Variants in DOCK11 observed in about 807,000 individuals in gnomAD.
DOCK11 encodes the protein dedicator of cytokinesis 11, also known as dedicator of cytokinesis protein 11.
In DOCK11, 70 loss-of-function variants were observed where a neutral mutation model predicts 169.1. The observed-to-expected ratio is 0.41, with a 90% CI of 0.34 to 0.51. The LOEUF (loss-of-function observed/expected upper bound fraction) is 0.51, where lower values mean the gene tolerates loss of function less well. Ranked by LOEUF, DOCK11 falls within the 20% of genes least tolerant of loss-of-function variation. The pLI is 0.10. For missense variants in DOCK11, 1,166 were observed against 1,538.8 expected, an observed-to-expected ratio of 0.76 and a Z score of 4.05; for synonymous variants, 529 against 541.3, an observed-to-expected ratio of 0.98 and a Z score of 0.32.
chrX:118,508,674 G>A (rs561956955), intron 1 of DOCK11, among the ~76,000 whole-genome samples: 2 of 111,708 alleles, frequency 1.8e-5, no homozygotes, highest in South Asian at 7.7e-4. Context: ...GAGTGTTTAC[G>A]ACATGCTCTA....
intron 1 of DOCK11, among the ~76,000 whole-genome samples, chrX:118,516,242 A>G (rs1171603541): frequency 2.0e-5 from 2 of 101,609 alleles, no homozygotes; most frequent in South Asian, 4.7e-4. Flanking sequence ...ACAGGCGCCC[A>G]CCACCATGCC....
At chrX:118,521,843 T>G (rs762226294) in intron 1 of DOCK11, among the ~76,000 whole-genome samples, 90 of 111,915 alleles carry the variant, frequency 8.0e-4, no homozygotes, top group Non-Finnish European at 1.5e-3. Context: ...ATGTAACATA[T>G]CAATAAGTGT....
At chrX:118,533,521 G>A (rs1387447054) in intron 1 of DOCK11, among the ~76,000 whole-genome samples, 1 of 111,817 alleles carries the variant, frequency 8.9e-6, no homozygotes, top group Non-Finnish European at 1.9e-5. Context: ...TAATGAGATG[G>A]GTAGACCGAT....
At chrX:118,673,357 G>A (rs1005529283) in intron 46 of DOCK11, among the ~76,000 whole-genome samples, 2 of 111,253 alleles carry the variant, frequency 1.8e-5, no homozygotes, top group Non-Finnish European at 3.8e-5. Context: ...CTGTGATTCC[G>A]GCCACTTGGG....
chrX:118,602,094 CTTTTTT>C (rs536697143), intron 23 of DOCK11, among the ~76,000 whole-genome samples: 1 of 74,681 alleles, frequency 1.3e-5, no homozygotes, highest in Non-Finnish European at 2.5e-5. Flanking sequence ...CCGGCCAAGA[CTTTTTT>C]TTTTTTTTTT....
rs1256155868 is a variant in DOCK11, at chrX:118,502,640, T to A, written c.102+6567T>A. 2.7e-5 allele frequency among the ~76,000 whole-genome samples: 3 copies of A among 111,875 alleles called. No homozygotes were observed. In the East Asian group the frequency reaches 8.3e-4, roughly 31 times the overall value. On this transcript the variant is annotated intron_variant, in intron 1 of 52. Coordinates refer to ENST00000276202, the MANE Select transcript of DOCK11 (RefSeq NM_144658.4). The stretch of plus-strand genomic sequence containing the variant: ...GTAACCTGGTCTCATTTTCCTTATC[T>A]GTGAAATGGGAATAAATAGTAGTAC...
chrX:118,523,553 C>T (rs1441226712), intron 1 of DOCK11, among the ~76,000 whole-genome samples: 4 of 111,977 alleles, frequency 3.6e-5, no homozygotes, highest in Non-Finnish European at 7.5e-5. Context: ...TTTCAGTTTA[C>T]AGGACCTGCA....
At chrX:118,578,387 G>C in intron 12 of DOCK11, 138 bp from the exon 13 acceptor site, 1 of 700,952 alleles carries the variant, frequency 1.4e-6, no homozygotes, top group Non-Finnish European at 2.1e-6. Context: ...CTCTATGAAA[G>C]GAAATTCTAT....
chrX:118,565,880 G>C, intron 7 of DOCK11, 125 bp from the exon 8 acceptor site: 1 of 651,465 alleles, frequency 1.5e-6, no homozygotes, highest in South Asian at 2.5e-5. Context: ...GAAAGAAGCA[G>C]TTATTTCATG....
intron 19 of DOCK11, among the ~76,000 whole-genome samples, chrX:118,591,572 T>C (rs971137886): frequency 1.8e-5 from 2 of 108,333 alleles, no homozygotes; most frequent in Non-Finnish European, 3.8e-5. Flanking sequence ...TTTTCTTTTT[T>C]TTTTTATAGC....
chrX:118,643,521 C>T lies in DOCK11; in HGVS notation c.4325C>T (p.Ala1442Val), dbSNP rs1182234695. ...AAAAAAGTGTTTGATATACATCTTG[C>T]TTTTCTTAAAAATGGACAATCTGAA... ...LMKKVFDIHL[A>V]FLKNGQSEVS... Residue 1442 changes from alanine (A) to valine (V), a missense_variant, in exon 40 of 53, where the codon GCT (alanine) becomes GTT (valine). Physicochemically the swap from Ala to Val is moderately conservative, Grantham distance 64. Coordinates refer to ENST00000276202, the MANE Select transcript of DOCK11 (RefSeq NM_144658.4). 6 of 1,210,439 alleles carry T rather than the reference C, an allele frequency of 5.0e-6. No homozygotes were observed. Among genetic ancestry groups the T allele is most frequent in the Non-Finnish European group, 6.7e-6 (6 of 894,596 alleles).
At chrX:118,503,368 G>C (rs1356717498) in intron 1 of DOCK11, among the ~76,000 whole-genome samples, 1 of 111,725 alleles carries the variant, frequency 9.0e-6, no homozygotes, top group Non-Finnish European at 1.9e-5. Flanking sequence ...GCGAACAAAG[G>C]CTTTTAACTG....
rs189527832 is a variant in DOCK11 at position 118,611,580 on chromosome X, C to T, written c.3096+1162C>T. On this transcript the variant is annotated intron_variant, in intron 28 of 52. Coordinates refer to ENST00000276202, the MANE Select transcript of DOCK11 (RefSeq NM_144658.4). The stretch of plus-strand genomic sequence containing the variant: ...AACCACAGTGTACATGTTGCTAATA[C>T]GTGTAAATGTAAATTGTTAGTGTTG... Among the ~76,000 whole-genome samples, 294 of 111,958 alleles carry T rather than the reference C, an allele frequency of 2.6e-3. 2 individuals are homozygous for T. The highest frequency in any genetic ancestry group is 5.8e-3 in the African/African-American group (180 of 30,870).
intron 48 of DOCK11, among the ~76,000 whole-genome samples, chrX:118,677,802 C>T (rs2016645503): frequency 2.7e-5 from 3 of 112,323 alleles, no homozygotes; most frequent in South Asian, 3.6e-4. Flanking sequence ...TGTGTTGTTT[C>T]GTTGAATTGA....
At chrX:118,505,413 C>T (rs2057604863) in intron 1 of DOCK11, among the ~76,000 whole-genome samples, 1 of 112,305 alleles carries the variant, frequency 8.9e-6, no homozygotes, top group African/African-American at 3.2e-5. Context: ...TGACTGTTGG[C>T]TCGCATTATC....
At chrX:118,676,462 T>A in intron 47 of DOCK11, 129 bp from the exon 48 acceptor site, 3 of 384,473 alleles carry the variant, frequency 7.8e-6, no homozygotes, top group Non-Finnish European at 1.3e-5. Context: ...AATACAAGCA[T>A]GGGACTTTTA....
chrX:118,651,960 A>G lies in DOCK11; in HGVS notation c.4582-4A>G, dbSNP rs751719799. The stretch of plus-strand genomic sequence containing the variant: ...TGGAAAATAATATTTACTTCTTCCC[A>G]CAGATAATAATTGCTGTAAGCCAAC... On this transcript the variant is annotated splice_region_variant and splice_polypyrimidine_tract_variant and intron_variant, in intron 41 of 52. Transcript: ENST00000276202. 1.7e-6 allele frequency: 2 copies of G among 1,161,017 alleles called. No homozygotes were observed. The highest frequency in any genetic ancestry group is 2.3e-6 in the Non-Finnish European group (2 of 856,228).
intron 51 of DOCK11, among the ~76,000 whole-genome samples, chrX:118,682,141 G>A (rs1476562064): frequency 1.8e-5 from 2 of 110,645 alleles, no homozygotes; most frequent in African/African-American, 3.3e-5. Flanking sequence ...ATTTGGGGTA[G>A]GAATAGAAGT....
At chrX:118,604,521 C>CTTTTTT (rs74504860) in intron 23 of DOCK11, among the ~76,000 whole-genome samples, 38 of 38,199 alleles carry the variant, frequency 9.9e-4, no homozygotes, top group Middle Eastern at 0.038. Context: ...GGTTTGTTTC[C>CTTTTTT]TTTTTTTTTT....
Sources: allele counts gnomAD v4.1 joint callset (sites outside exome capture counted in the v4.1 genomes callset), GRCh38; gene constraint gnomAD v4.1.1; transcripts MANE v1.5; gene names NCBI Gene and HGNC (gene_info 2026-07-23, HGNC 2026-07-21).